The following UBE4B variants were observed in gnomAD, a reference collection of about 807,000 sequenced individuals.
UBE4B encodes ubiquitination factor E4B.
A neutral mutation model predicts 148.1 loss-of-function variants in UBE4B; 27 were observed. That is an observed-to-expected ratio of 0.18 (90% confidence interval 0.13 to 0.25). The LOEUF is 0.25. Ranked by LOEUF, UBE4B falls within the 10% of genes least tolerant of loss-of-function variation. The probability of loss-of-function intolerance (pLI) is 1.00; values close to 1 mark genes in which losing one functional copy is unlikely to be tolerated. For missense variants in UBE4B, 1,170 were observed against 1,662.4 expected, an observed-to-expected ratio of 0.70 and a Z score of 5.15; for synonymous variants, 596 against 619.3, an observed-to-expected ratio of 0.96 and a Z score of 0.56.
intron 1 of UBE4B, among the ~76,000 whole-genome samples, chr1:10,042,095 C>G (rs1570764755): frequency 6.6e-6 from 1 of 152,178 alleles, no homozygotes; most frequent in Admixed American, 6.5e-5. Flanking sequence ...CCGCCAGGCC[C>G]AGCCCTCCAG....
rs1645416663 is a variant in UBE4B, at chr1:10,121,879, G to A, written c.1440-83G>A. ...AGATGTCAAGTTTGACTTTTGACTG[G>A]GCAGTTGTTGCTGACATGACATTTC... On this transcript the variant is annotated intron_variant, in intron 9 of 27. Transcript: ENST00000343090. The A allele has an allele frequency of 7.3e-6, 6 of 816,868 alleles. No individual in the cohort carries two copies. The Admixed American group carries it at 1.5e-4, about 20-fold the overall frequency. 50.6% of individuals were successfully genotyped at this position (816,868 alleles called of 1,614,324 possible).
intron 23 of UBE4B, among the ~76,000 whole-genome samples, chr1:10,167,655 C>T (rs979173636): frequency 4.9e-5 from 7 of 142,620 alleles, no homozygotes; most frequent in Non-Finnish European, 9.0e-5. Flanking sequence ...TACAGTGGCG[C>T]GATCTCAGCT....
At chr1:10,135,330 G>A (rs1645661849) in intron 16 of UBE4B, 144 bp downstream of exon 16, 3 of 893,370 alleles carry the variant, frequency 3.4e-6, no homozygotes, top group African/African-American at 1.7e-5. Context: ...AGTAGGCCTG[G>A]CGTGGTGACT....
intron 15 of UBE4B, 78 bp downstream of exon 15, chr1:10,132,560 C>T: frequency 3.1e-6 from 4 of 1,286,836 alleles, no homozygotes; most frequent in Non-Finnish European, 4.5e-6. Flanking sequence ...ACCTACCAGG[C>T]ACTGTTCTAG....
chr1:10,139,284 G>A (rs1645748285), intron 17 of UBE4B, among the ~76,000 whole-genome samples: 1 of 152,136 alleles, frequency 6.6e-6, no homozygotes, highest in Non-Finnish European at 1.5e-5. Flanking sequence ...CCAGCTACTT[G>A]GGAGGCTATA....
At chr1:10,132,528 A>G in intron 15 of UBE4B, 46 bp downstream of exon 15, 1 of 1,558,190 alleles carries the variant, frequency 6.4e-7, no homozygotes, top group South Asian at 1.1e-5. Context: ...AAATTCATTC[A>G]TCTGACCCAG....
At chr1:10,146,865 C>G (rs1202218672) in intron 18 of UBE4B, 98 bp from the exon 19 acceptor site, 2 of 1,475,654 alleles carry the variant, frequency 1.4e-6, no homozygotes, top group Non-Finnish European at 1.8e-6. Flanking sequence ...GCTCTGGAAC[C>G]CAAATTTCCC....
chr1:10,098,411 CACAG>C (rs1192356642), intron 3 of UBE4B, among the ~76,000 whole-genome samples: 1 of 152,102 alleles, frequency 6.6e-6, no homozygotes, highest in African/African-American at 2.4e-5. Flanking sequence ...CACAGTGTGG[CACAG>C]ACAAAGTTCA....
intron 21 of UBE4B, among the ~76,000 whole-genome samples, chr1:10,152,698 C>G (rs1006755611): frequency 6.6e-6 from 1 of 151,468 alleles, no homozygotes; most frequent in Non-Finnish European, 1.5e-5. Context: ...CTCAGGAGGC[C>G]GAGGCACGAG....
intron 1 of UBE4B, among the ~76,000 whole-genome samples, chr1:10,047,340 T>G (rs1478201071): frequency 6.6e-6 from 1 of 152,156 alleles, no homozygotes; most frequent in African/African-American, 2.4e-5. Flanking sequence ...CATGCTGTTT[T>G]GTGCACTGTC....
chr1:10,073,760 C>G (rs975748832), intron 2 of UBE4B, among the ~76,000 whole-genome samples: 1 of 151,944 alleles, frequency 6.6e-6, no homozygotes, highest in African/African-American at 2.4e-5. Context: ...AATTCATGAT[C>G]ACAAACTCGG....
At chr1:10,049,329 T>A (rs1643980513) in intron 1 of UBE4B, among the ~76,000 whole-genome samples, 2 of 152,062 alleles carry the variant, frequency 1.3e-5, no homozygotes, top group Non-Finnish European at 2.9e-5. Context: ...AGACTTCAAG[T>A]GCTAAATAGA....
At chr1:10,103,872 C>T (rs527265507) in intron 5 of UBE4B, among the ~76,000 whole-genome samples, 33 of 150,902 alleles carry the variant, frequency 2.2e-4, no homozygotes, top group Admixed American at 1.7e-3. Flanking sequence ...GTGATCCGCC[C>T]GCCTTGGCCT....
chr1:10,129,211 G>A (rs1645551215), intron 11 of UBE4B, 181 bp from the exon 12 acceptor site: 3 of 504,358 alleles, frequency 5.9e-6, no homozygotes, highest in Non-Finnish European at 1.1e-5. Context: ...TTTTCACATT[G>A]CATGTGTTTT....
chr1:10,107,086 T>C, intron 7 of UBE4B: 2 of 681,438 alleles, frequency 2.9e-6, no homozygotes, highest in Admixed American at 6.4e-5. Flanking sequence ...ATAATTTAGG[T>C]GAATTATGTT....
At chr1:10,141,621 G>T (rs1033127326) in intron 17 of UBE4B, among the ~76,000 whole-genome samples, 1 of 152,068 alleles carries the variant, frequency 6.6e-6, no homozygotes, top group African/African-American at 2.4e-5. Flanking sequence ...CTTCAAATAT[G>T]TGCTTCTGTT....
At chr1:10,095,040 A>G (rs1644909305) in intron 2 of UBE4B, among the ~76,000 whole-genome samples, 1 of 152,166 alleles carries the variant, frequency 6.6e-6, no homozygotes, top group East Asian at 1.9e-4. Context: ...TGGCCTCCCA[A>G]AGTGCTGGGA....
chr1:10,097,893 C>T (rs138611970), intron 3 of UBE4B, among the ~76,000 whole-genome samples: 7 of 152,026 alleles, frequency 4.6e-5, no homozygotes, highest in African/African-American at 9.6e-5. Context: ...TTTTTGGAGA[C>T]GGAGTCTCAC....
intron 2 of UBE4B, among the ~76,000 whole-genome samples, chr1:10,085,220 C>G (rs1345494149): frequency 6.6e-6 from 1 of 152,162 alleles, no homozygotes; most frequent in Non-Finnish European, 1.5e-5. Context: ...AGAGCCACAC[C>G]CTGGCCTGTC....
Sources: allele counts gnomAD v4.1 joint callset (sites outside exome capture counted in the v4.1 genomes callset), GRCh38; gene constraint gnomAD v4.1.1; transcripts MANE v1.5; gene names NCBI Gene and HGNC (gene_info 2026-07-23, HGNC 2026-07-21).